Variants in DOCK9 observed in about 807,000 individuals in gnomAD.
DOCK9 encodes dedicator of cytokinesis protein 9.
A neutral mutation model predicts 263.3 loss-of-function variants in DOCK9; 89 were observed. That is an observed-to-expected ratio of 0.34 (90% CI 0.28 to 0.40). The LOEUF is 0.40. Ranked by LOEUF, DOCK9 falls within the 10% of genes least tolerant of loss-of-function variation. The pLI, the probability that DOCK9 is intolerant of heterozygous loss-of-function variation, is 1.00. For missense variants in DOCK9, 2,140 were observed against 2,603.4 expected, an observed-to-expected ratio of 0.82 and a Z score of 3.87; for synonymous variants, 976 against 973.1, an observed-to-expected ratio of 1.00 and a Z score of -0.06.
At chr13:99,007,881 T>TA (rs974912871) in intron 1 of DOCK9, among the ~76,000 whole-genome samples, 6 of 152,292 alleles carry the variant, frequency 3.9e-5, no homozygotes, top group African/African-American at 1.4e-4. Flanking sequence ...CTTGAATTTT[T>TA]AAAAATCTCC....
rs745920531 is a variant in DOCK9 at position 98,824,473 on chromosome 13, C to T, written c.5055G>A (p.Arg1685=). ...CCTCGTCGATGTTTGGGGTAATGAC[C>T]CTGAAGGCGGTGCATCCTTGTCTAA... ...GVFRQGCTAF[R]VITPNIDEEA... is the part of the protein sequence containing the mutation. The change falls in exon 45 of 53, where the codon AGG becomes AGA. Residue 1685 remains arginine, a synonymous_variant. Coordinates refer to ENST00000682017, the MANE Select transcript of DOCK9 (RefSeq NM_001366683.2). 6.2e-7 allele frequency: 1 copy of T among 1,613,806 alleles called. No homozygotes were observed. The highest frequency in any genetic ancestry group is 2.2e-5 in the East Asian group (1 of 44,876).
intron 1 of DOCK9, among the ~76,000 whole-genome samples, chr13:99,045,364 T>G (rs1369030334): frequency 6.6e-6 from 1 of 152,140 alleles, no homozygotes; most frequent in Non-Finnish European, 1.5e-5. Context: ...TGCAACAACA[T>G]GAACATAGAG....
chr13:98,886,602 C>G lies in DOCK9; in HGVS notation c.2066G>C (p.Gly689Ala), dbSNP rs201629976. The part of the protein sequence containing the change: ...PLKCIYGRPG[G>A]PVFTRSAFAA... ...AAAGGCGCTTCTTGTGAAAACTGGCCCACCAGGTCTGCCATAAATGCACTA... is the reference window on the plus strand; with the variant it reads ...AAAGGCGCTTCTTGTGAAAACTGGCGCACCAGGTCTGCCATAAATGCACTA... The change falls in exon 19 of 53, where the codon GGG (glycine) becomes GCG (alanine). Residue 689 changes from glycine to alanine, a missense_variant. By Grantham distance (60) the Gly-to-Ala change is moderately conservative. Transcript: ENST00000682017. 87 of 1,613,734 alleles carry G rather than the reference C, an allele frequency of 5.4e-5. No individual in the cohort carries two copies. The highest frequency in any genetic ancestry group is 6.8e-5 in the Non-Finnish European group (80 of 1,179,728).
intron 1 of DOCK9, among the ~76,000 whole-genome samples, chr13:98,967,112 C>T (rs1275163067): frequency 2.0e-5 from 3 of 152,250 alleles, no homozygotes; most frequent in African/African-American, 7.2e-5. Flanking sequence ...TCAAAAAATC[C>T]TGGCTTCACT....
chr13:98,939,966 G>C (rs1191478118), intron 2 of DOCK9, among the ~76,000 whole-genome samples: 3 of 152,214 alleles, frequency 2.0e-5, no homozygotes, highest in South Asian at 2.1e-4. Context: ...TAAATATTTT[G>C]TATCGAGTGC....
chr13:98,871,075 G>A (rs1351620511), intron 27 of DOCK9, among the ~76,000 whole-genome samples: 13 of 152,178 alleles, frequency 8.5e-5, no homozygotes, highest in Non-Finnish European at 1.6e-4. Context: ...TAGACTGGGT[G>A]TTAGATGATA....
At chr13:98,899,013 T>C (rs1478491386) in intron 13 of DOCK9, among the ~76,000 whole-genome samples, 1 of 152,264 alleles carries the variant, frequency 6.6e-6, no homozygotes, top group South Asian at 2.1e-4. Context: ...AAAGTTTGAT[T>C]GTCTCAGAGT....
rs543754920 is a variant in DOCK9, at chr13:99,045,815, G to A, written c.129+40408C>T. Among the ~76,000 whole-genome samples the A allele has an allele frequency of 1.5e-4, 23 of 151,942 alleles. No individual in the cohort carries two copies. The South Asian group carries it at 2.5e-3, about 17-fold the overall frequency. ...AAACAAAACAAAAAAAACAGCAGCC[G>A]GGTGCGGTGGCTCACACCTGTAATC... On this transcript the variant is annotated intron_variant, in intron 1 of 32. Coordinates refer to the DOCK9 transcript ENST00000427887.
intron 1 of DOCK9, among the ~76,000 whole-genome samples, chr13:99,016,621 A>C (rs1416774128): frequency 6.6e-6 from 1 of 152,144 alleles, no homozygotes; most frequent in East Asian, 1.9e-4. Flanking sequence ...ACACTACCTC[A>C]CGTGAATCTC....
chr13:98,912,699 G>A lies in DOCK9; in HGVS notation c.960+1629C>T, dbSNP rs2050252117. Reference sequence around the variant, plus strand: ...TTGGCTGGGTAGTAAGAGAAGGAGGGGACCGTTCCTGTATATCCTCATAGG... The same window carrying A: ...TTGGCTGGGTAGTAAGAGAAGGAGGAGACCGTTCCTGTATATCCTCATAGG... On this transcript the variant is annotated intron_variant, in intron 9 of 52. Coordinates refer to ENST00000682017, the MANE Select transcript of DOCK9 (RefSeq NM_001366683.2). 3.3e-5 allele frequency among the ~76,000 whole-genome samples: 5 copies of A among 152,066 alleles called. No homozygotes were observed. The South Asian group carries it at 1.0e-3, about 32-fold the overall frequency.
At chr13:99,062,581 A>G (rs981621040) in intron 1 of DOCK9, among the ~76,000 whole-genome samples, 6 of 152,256 alleles carry the variant, frequency 3.9e-5, no homozygotes, top group African/African-American at 1.4e-4. Context: ...AGACACGGAA[A>G]GAATGAGGGG....
At chr13:98,869,485 T>C (rs1238809029) in intron 27 of DOCK9, among the ~76,000 whole-genome samples, 1 of 152,242 alleles carries the variant, frequency 6.6e-6, no homozygotes, top group Non-Finnish European at 1.5e-5. Flanking sequence ...CCCCTGTGTC[T>C]ATAAACAGAA....
upstream of DOCK9, among the ~76,000 whole-genome samples, chr13:98,981,563 C>T (rs1251019940): frequency 6.6e-6 from 1 of 152,196 alleles, no homozygotes. Flanking sequence ...TCATCTGAGT[C>T]CACCGCCTTC....
At position 98,854,408 on chromosome 13, in the gene DOCK9, G is replaced by T. The variant is rs1459292879; in HGVS notation, c.3832-886C>A. On this transcript the variant is annotated intron_variant, in intron 34 of 52. Coordinates refer to ENST00000682017, the MANE Select transcript of DOCK9 (RefSeq NM_001366683.2). Reference sequence around the variant, plus strand: ...GCCAATTGAAAAAAAAATTATGCGTGTGTGTGTGTGTGTATATATATACAT... The same window carrying T: ...GCCAATTGAAAAAAAAATTATGCGTTTGTGTGTGTGTGTATATATATACAT... 1.3e-5 allele frequency: 2 copies of T among 151,048 alleles called. 1 individual carries two copies. The highest frequency in any genetic ancestry group is 4.9e-5 in the African/African-American group (2 of 40,956). The allele number at this position is 151,048 out of a possible 1,614,324, so 9.4% of individuals were successfully genotyped here. A position where few individuals can be genotyped will look rare whatever the true frequency, so the allele number is the denominator to read the frequency against.
intron 27 of DOCK9, 50 bp from the exon 28 acceptor site, chr13:98,868,427 T>A: frequency 6.5e-7 from 1 of 1,540,944 alleles, no homozygotes; most frequent in Non-Finnish European, 8.8e-7. Context: ...TTGCAATCAT[T>A]TGGGAGGAAA....
chr13:98,824,640 A>T lies in DOCK9; in HGVS notation c.5024-136T>A, dbSNP rs9584944. ...GAAATCTCTTAGGCACCAGGCCAGC[A>T]TTCACGGGGGTACCTGGGGCTACTG... On this transcript the variant is annotated intron_variant, in intron 44 of 52. Transcript: ENST00000682017. The T allele has an allele frequency of 7.1e-3, 5,121 of 721,872 alleles. 195 individuals are homozygous for T. The African/African-American group carries it at 0.079, about 11-fold the overall frequency. The allele number at this position is 721,872 out of a possible 1,614,324, so 44.7% of individuals were successfully genotyped here. A position where few individuals can be genotyped will look rare whatever the true frequency, so the allele number is the denominator to read the frequency against.
chr13:98,883,004 C>G (rs1285156727), intron 23 of DOCK9, 38 bp downstream of exon 23: 4 of 1,571,594 alleles, frequency 2.5e-6, no homozygotes, highest in Non-Finnish European at 1.7e-6. Context: ...CTACTCCAAA[C>G]TCACTTAAAA....
chr13:98,799,828 AATTG>A (rs1308644703), intron 50 of DOCK9, among the ~76,000 whole-genome samples: 5 of 152,180 alleles, frequency 3.3e-5, no homozygotes, highest in African/African-American at 4.8e-5. Context: ...AATAAAGAAA[AATTG>A]ATTGATTGGG....
intron 33 of DOCK9, chr13:98,860,165 C>A: frequency 2.3e-6 from 3 of 1,325,478 alleles, no homozygotes; most frequent in East Asian, 2.7e-5. Context: ...AAAAAGCAAA[C>A]AGCGTGAGCC....
Sources: allele counts gnomAD v4.1 joint callset (sites outside exome capture counted in the v4.1 genomes callset), GRCh38; gene constraint gnomAD v4.1.1; transcripts MANE v1.5; gene names NCBI Gene and HGNC (gene_info 2026-07-23, HGNC 2026-07-21).